The following SAMD8 variants were observed in gnomAD, a reference collection of about 807,000 sequenced individuals.
The protein encoded by SAMD8 is sterile alpha motif domain containing 8, also known as sphingomyelin synthase-related protein 1.
Under a neutral mutation model 42.0 loss-of-function variants are expected in SAMD8, and 20 were observed. That is an observed-to-expected ratio of 0.48 (90% CI 0.34 to 0.69). The LOEUF (loss-of-function observed/expected upper bound fraction) is 0.69, where lower values mean the gene tolerates loss of function less well. Ranked by LOEUF, SAMD8 falls within the 30% of genes least tolerant of loss-of-function variation. The probability of loss-of-function intolerance (pLI) is 0.01; values close to 1 mark genes in which losing one functional copy is unlikely to be tolerated. For synonymous variants in SAMD8, 162 were observed against 173.0 expected (o/e 0.94, Z 0.50); for missense variants, 328 against 511.6 (o/e 0.64, Z 3.46).
chr10:75,114,317 CAG>C (rs978190432), intron 1 of SAMD8, among the ~76,000 whole-genome samples: 2 of 138,162 alleles, frequency 1.4e-5, no homozygotes, highest in African/African-American at 5.6e-5. Context: ...GCCTGGGCAA[CAG>C]AGTGATATGT....
chr10:75,153,071 T>A (rs1344784299), intron 2 of SAMD8, among the ~76,000 whole-genome samples: 1 of 152,132 alleles, frequency 6.6e-6, no homozygotes, highest in African/African-American at 2.4e-5. Flanking sequence ...AACCTCCGCC[T>A]CCTGGGTTCA....
At chr10:75,128,197 C>T (rs752561110) in intron 1 of SAMD8, among the ~76,000 whole-genome samples, 5 of 151,536 alleles carry the variant, frequency 3.3e-5, no homozygotes, top group South Asian at 2.1e-4. Context: ...CTCAGCCTCC[C>T]GAGTAGCTGG....
chr10:75,105,388 T>C (rs1164964905), intron 1 of SAMD8, among the ~76,000 whole-genome samples: 1 of 152,108 alleles, frequency 6.6e-6, no homozygotes, highest in Non-Finnish European at 1.5e-5. Context: ...CCTTCTCTTC[T>C]CTTTGGGGTC....
chr10:75,138,399 T>G (rs1004099769), intron 1 of SAMD8, among the ~76,000 whole-genome samples: 3 of 152,202 alleles, frequency 2.0e-5, no homozygotes, highest in Non-Finnish European at 4.4e-5. Context: ...TATCTCTTTT[T>G]GCAGTTAATG....
At chr10:75,132,233 A>G (rs943025666) in intron 1 of SAMD8, among the ~76,000 whole-genome samples, 3 of 152,178 alleles carry the variant, frequency 2.0e-5, no homozygotes, top group African/African-American at 4.8e-5. Context: ...TTTGCCCAAG[A>G]CGATCTGTTT....
At position 75,150,908 on chromosome 10, in the gene SAMD8, A is replaced by G. The variant is rs767791741; in HGVS notation, c.380A>G (p.Asn127Ser). 4.2e-5 allele frequency: 68 copies of G among 1,612,322 alleles called. No individual in the cohort carries two copies. The highest frequency in any genetic ancestry group is 5.5e-5 in the Non-Finnish European group (65 of 1,179,212). The change falls in exon 2 of 6, where the codon AAT becomes AGT. Residue 127 changes from asparagine to serine, a missense_variant. By Grantham distance (46) the Asn-to-Ser change is conservative. Around this residue, in one of 2 missense-constraint regions of SAMD8, gnomAD observed 150 missense variants for 186.0 expected, o/e 0.81. Coordinates refer to ENST00000542569, the MANE Select transcript of SAMD8 (RefSeq NM_001174156.2). Reference sequence around the variant, plus strand: ...TGTGACGGACCCATAACTGACTTGAATTCTGATCAGTACCAGTACATGAAT... The same window carrying G: ...TGTGACGGACCCATAACTGACTTGAGTTCTGATCAGTACCAGTACATGAAT... ...HDCDGPITDL[N>S]SDQYQYMNGK...
intron 2 of SAMD8, among the ~76,000 whole-genome samples, chr10:75,157,356 A>G (rs1213757817): frequency 2.0e-5 from 3 of 152,034 alleles, no homozygotes; most frequent in Non-Finnish European, 4.4e-5. Context: ...TGGTAGAGGA[A>G]AGAGAGGGTA....
chr10:75,161,746 C>T (rs1462427759), intron 2 of SAMD8, among the ~76,000 whole-genome samples: 6 of 150,976 alleles, frequency 4.0e-5, no homozygotes, highest in African/African-American at 1.5e-4. Flanking sequence ...AGGGGCTGGG[C>T]GTGGTGGTTT....
intron 2 of SAMD8, among the ~76,000 whole-genome samples, chr10:75,160,447 C>T (rs1840532622): frequency 6.6e-6 from 1 of 151,688 alleles, no homozygotes; most frequent in South Asian, 2.1e-4. Context: ...TCCTTGTGAT[C>T]CGCCCACCTT....
intron 4 of SAMD8, among the ~76,000 whole-genome samples, chr10:75,170,111 C>T (rs1390542543): frequency 6.6e-6 from 1 of 152,130 alleles, no homozygotes; most frequent in Non-Finnish European, 1.5e-5. Flanking sequence ...CAAAATAAGA[C>T]TGTTAAAATC....
At chr10:75,158,627 T>A (rs1403167334) in intron 2 of SAMD8, among the ~76,000 whole-genome samples, 1 of 151,882 alleles carries the variant, frequency 6.6e-6, no homozygotes, top group Non-Finnish European at 1.5e-5. Context: ...ATTCAGTGGG[T>A]TTTAGTGTAT....
At chr10:75,171,722 C>T (rs558521968) in intron 4 of SAMD8, among the ~76,000 whole-genome samples, 1 of 152,092 alleles carries the variant, frequency 6.6e-6, no homozygotes, top group African/African-American at 2.4e-5. Context: ...AAAGGACATG[C>T]ACATTAAAAA....
chr10:75,162,649 CAAAAAAAAAAA>C (rs11354181), intron 2 of SAMD8, among the ~76,000 whole-genome samples: 1 of 89,886 alleles, frequency 1.1e-5, no homozygotes, highest in Non-Finnish European at 2.3e-5. Context: ...AACTCCGTCT[CAAAAAAAAAAA>C]AAAAAAAAAA....
rs1840989687 is a variant in SAMD8 at position 75,176,282 on chromosome 10, G to C, written c.943+66G>C. 1 of 1,612,096 alleles carries C rather than the reference G, an allele frequency of 6.2e-7. No individual in the cohort carries two copies. The highest frequency in any genetic ancestry group is 1.1e-5 in the South Asian group (1 of 90,822). On this transcript the variant is annotated intron_variant, in intron 5 of 5. Coordinates refer to ENST00000542569, the MANE Select transcript of SAMD8 (RefSeq NM_001174156.2). This position sits in a 1 kb window ranked among gnomAD's most constrained non-coding sequence, Gnocchi z 4.3. ...AGCTGCAGTGAAGGCTGTGGGAAGG[G>C]TGTCAGATCCTGTGAAGAATGGCAA...
chr10:75,111,561 A>T (rs1848768074), upstream of SAMD8: 2 of 1,248,246 alleles, frequency 1.6e-6, no homozygotes, highest in Non-Finnish European at 2.0e-6. Context: ...GCCTGCGCGC[A>T]GTCGCCACCG....
chr10:75,173,408 C>A (rs1025105926), intron 4 of SAMD8, among the ~76,000 whole-genome samples: 21 of 152,242 alleles, frequency 1.4e-4, no homozygotes, highest in African/African-American at 4.8e-4. Flanking sequence ...ATTTCTACAC[C>A]TTCTCTTGTC....
intron 1 of SAMD8, among the ~76,000 whole-genome samples, chr10:75,141,723 A>G (rs1840020770): frequency 6.6e-6 from 1 of 150,984 alleles, no homozygotes; most frequent in South Asian, 2.1e-4. Context: ...TTGTATTTTT[A>G]TTAGAGACAG....
intron 1 of SAMD8, among the ~76,000 whole-genome samples, chr10:75,126,217 T>A (rs936403612): frequency 4.6e-5 from 7 of 152,356 alleles, no homozygotes; most frequent in Admixed American, 6.5e-5. Flanking sequence ...AAGAACTCTT[T>A]TCTGATTTTA....
intron 1 of SAMD8, among the ~76,000 whole-genome samples, chr10:75,116,811 T>C (rs1848891717): frequency 6.6e-6 from 1 of 152,060 alleles, no homozygotes; most frequent in South Asian, 2.1e-4. Context: ...GGATGTAGCA[T>C]ATTTATTTAT....
Sources: gnomAD v4.1 joint callset for allele counts (sites outside exome capture counted in the v4.1 genomes callset) on GRCh38, gnomAD v4.1.1 for gene constraint, gnomAD v4.1.1 regional missense constraint, Gnocchi (gnomAD v3.1) non-coding constraint, MANE v1.5 for transcripts, NCBI Gene and HGNC (gene_info 2026-07-23, HGNC 2026-07-21) for gene names.